The following PRAMEF1 variants were observed in gnomAD, a reference collection of about 807,000 sequenced individuals.
The protein encoded by PRAMEF1 is PRAME family member 1.
Under a neutral mutation model 38.2 loss-of-function variants are expected in PRAMEF1, and 21 were observed. The ratio of observed to expected loss-of-function variants is 0.55; its 90% CI spans 0.39 to 0.79. The LOEUF (loss-of-function observed/expected upper bound fraction) is 0.79. Among genes scored for constraint, PRAMEF1 ranks in the 30% least tolerant of loss-of-function variants. The pLI is 0.00. For synonymous variants in PRAMEF1, 200 were observed against 229.0 expected (o/e 0.87, Z 1.14); for missense variants, 497 against 565.8 (o/e 0.88, Z 1.23).
chr1:12,796,327 C>A lies in PRAMEF1; in HGVS notation c.*331C>A. 3 of 369,310 alleles carry A rather than the reference C, an allele frequency of 8.1e-6. No individual in the cohort carries two copies. Among genetic ancestry groups the A allele is most frequent in the Non-Finnish European group, 1.4e-5 (3 of 211,476 alleles). 22.9% of individuals were successfully genotyped at this position (369,310 alleles called of 1,614,324 possible). ...AGGGAAAAAACATAACAGCAGGGGG[C>A]AAGGTTGGAGGAAAATGTTGAGGTG... On this transcript the variant is annotated 3_prime_UTR_variant, in exon 4 of 4. Coordinates refer to ENST00000332296, the MANE Select transcript of PRAMEF1 (RefSeq NM_023013.4).
chr1:12,793,035 T>A (rs899362479), intron 1 of PRAMEF1, among the ~76,000 whole-genome samples, 168 bp from the exon 2 acceptor site: 2 of 150,934 alleles, frequency 1.3e-5, no homozygotes, highest in African/African-American at 4.9e-5. Flanking sequence ...AGTGGCACTG[T>A]CCGGTGGTTC....
chr1:12,794,280 C>T lies in PRAMEF1; in HGVS notation c.653C>T (p.Pro218Leu), dbSNP rs763722805. 1 of 1,611,912 alleles carries T rather than the reference C, an allele frequency of 6.2e-7. No homozygotes were observed. Among genetic ancestry groups the T allele is most frequent in the South Asian group, 1.1e-5 (1 of 90,826 alleles). Reference protein sequence around the residue: ...QELEIRNMSWPRLIRKLRCYL... With the variant: ...QELEIRNMSWLRLIRKLRCYL... ...CTGGAAATTCGCAACATGTCCTGGC[C>T]ACGTCTGATAAGAAAGCTTCGTTGT... The change falls in exon 3 of 4, where the codon CCA becomes CTA. Residue 218 changes from proline (P) to leucine (L), a missense_variant. Pro to Leu is a moderately conservative substitution (Grantham distance 98). Transcript: ENST00000332296.
At position 12,793,360 on chromosome 1, in the gene PRAMEF1, A is replaced by C. The variant is rs2790784; in HGVS notation, c.133A>C (p.Ser45Arg). The part of the protein sequence containing the change: ...LYLPLFMEAF[S>R]RRHFQTLTVM... ...TCTCCCACTCTTCATGGAGGCCTTC[A>C]GCAGGAGACACTTCCAGACTCTGAC... is the stretch of plus-strand genomic sequence containing the variant. The change falls in exon 2 of 4, where the codon AGC becomes CGC. Residue 45 changes from serine (S) to arginine (R), a missense_variant. This residue lies in a region of PRAMEF1 where 470 missense variants were observed against 501.9 expected (regional missense o/e 0.94). Coordinates refer to ENST00000332296, the MANE Select transcript of PRAMEF1 (RefSeq NM_023013.4). 7.7e-4 allele frequency: 1,234 copies of C among 1,609,086 alleles called. 48 individuals carry two copies. The African/African-American group carries it at 0.011, about 14-fold the overall frequency.
Position 12,793,488 on chromosome 1 carries a change from G to C in PRAMEF1, c.261G>C (p.Met87Ile). 6.2e-7 allele frequency: 1 copy of C among 1,608,796 alleles called. No individual in the cohort carries two copies. Among genetic ancestry groups the C allele is most frequent in the Non-Finnish European group, 8.5e-7 (1 of 1,177,702 alleles). Reference protein sequence around the residue: ...TLKALLEGLHMLLTQKDRPRR... With the variant: ...TLKALLEGLHILLTQKDRPRR... ...AAGCATTGCTGGAAGGGCTTCATAT[G>C]CTGCTTACACAGAAGGATCGCCCCA... Residue 87 changes from methionine to isoleucine, a missense_variant, in exon 2 of 4, where the codon ATG (methionine) becomes ATC (isoleucine). By Grantham distance (10) the Met-to-Ile change is conservative. Around this residue, in one of 2 missense-constraint regions of PRAMEF1, gnomAD observed 470 missense variants for 501.9 expected, o/e 0.94. Transcript: ENST00000332296.
intron 1 of PRAMEF1, 146 bp downstream of exon 1, chr1:12,791,620 T>C (rs1479831621): frequency 6.7e-6 from 1 of 149,922 alleles, no homozygotes; most frequent in Non-Finnish European, 1.5e-5. Context: ...TTCCTCTAAA[T>C]GTAGTTTTGT....
chr1:12,792,699 T>G (rs1639314353), intron 1 of PRAMEF1, among the ~76,000 whole-genome samples: 1 of 151,198 alleles, frequency 6.6e-6, no homozygotes, highest in African/African-American at 2.4e-5. Context: ...TTTTTTTATA[T>G]TTAGTAGAGA....
At position 12,793,525 on chromosome 1, in the gene PRAMEF1, C is replaced by T. The variant is rs530400906; in HGVS notation, c.287+11C>T. ...GAAGGATCGCCCCAGGTGAGGTGAC[C>T]CAGGAGGGCTGGTAGATAGGGCTCA... On this transcript the variant is annotated intron_variant, in intron 2 of 3. Coordinates refer to ENST00000332296, the MANE Select transcript of PRAMEF1 (RefSeq NM_023013.4). The T allele has an allele frequency of 1.2e-6, 2 of 1,605,316 alleles. No homozygotes were observed. Among genetic ancestry groups the T allele is most frequent in the East Asian group, 2.3e-5 (1 of 44,318 alleles).
At chr1:12,792,125 G>A (rs1419495700) in intron 1 of PRAMEF1, among the ~76,000 whole-genome samples, 5 of 150,758 alleles carry the variant, frequency 3.3e-5, no homozygotes, top group African/African-American at 9.7e-5. Flanking sequence ...AGTTACATGC[G>A]ATTCTCCTGC....
intron 1 of PRAMEF1, among the ~76,000 whole-genome samples, chr1:12,792,530 A>G (rs1463605718): frequency 2.0e-5 from 3 of 151,196 alleles, no homozygotes; most frequent in Non-Finnish European, 4.4e-5. Context: ...AGCTAGGATT[A>G]CAGTCATGCA....
At chr1:12,792,052 C>T (rs1639302692) in intron 1 of PRAMEF1, among the ~76,000 whole-genome samples, 1 of 150,774 alleles carries the variant, frequency 6.6e-6, no homozygotes, top group Non-Finnish European at 1.5e-5. Context: ...GATGGAGTTT[C>T]CCTATTGTTG....
chr1:12,796,184 C>A lies in PRAMEF1; in HGVS notation c.*188C>A. On this transcript the variant is annotated 3_prime_UTR_variant, in exon 4 of 4. Coordinates refer to ENST00000332296, the MANE Select transcript of PRAMEF1 (RefSeq NM_023013.4). The stretch of plus-strand genomic sequence containing the variant: ...CTGTGTTGCTCCAGCTGGTCTCAAA[C>A]TGCTGGGCTTATGGGATCCTCCTGC... 1 of 1,192,278 alleles carries A rather than the reference C, an allele frequency of 8.4e-7. No homozygotes were observed. The highest frequency in any genetic ancestry group is 1.1e-6 in the Non-Finnish European group (1 of 879,442). 73.9% of individuals were successfully genotyped at this position (1,192,278 alleles called of 1,614,324 possible). A position where few individuals can be genotyped will look rare whatever the true frequency, so the allele number is the denominator to read the frequency against.
Position 12,794,296 on chromosome 1 carries a change from G to C in PRAMEF1, c.669G>C (p.Lys223Asn). The change falls in exon 3 of 4, where the codon AAG becomes AAC. Residue 223 changes from lysine to asparagine, a missense_variant. Lys to Asn is a moderately conservative substitution (Grantham distance 94). Transcript: ENST00000332296. The stretch of plus-strand genomic sequence containing the variant: ...TGTCCTGGCCACGTCTGATAAGAAA[G>C]CTTCGTTGTTACCTGAAGGAGATGA... ...RNMSWPRLIR[K>N]LRCYLKEMKN... 1 of 1,612,124 alleles carries C rather than the reference G, an allele frequency of 6.2e-7. No homozygotes were observed. Among genetic ancestry groups the C allele is most frequent in the Non-Finnish European group, 8.5e-7 (1 of 1,179,014 alleles).
chr1:12,795,160 C>A (rs1317248280), intron 3 of PRAMEF1, among the ~76,000 whole-genome samples: 1 of 151,106 alleles, frequency 6.6e-6, no homozygotes, highest in African/African-American at 2.4e-5. Flanking sequence ...GTACCTGTGG[C>A]CCAGAGATGA....
In PRAMEF1 at chr1:12,794,732, A is replaced by C. The variant is rs932617375; in HGVS notation, c.866+239A>C. Reference sequence around the variant, plus strand: ...GAAGCTAGAGAGGGACATCATGTACAAGCTAGTTAGTGGGGGTTTCAGCTC... The same window carrying C: ...GAAGCTAGAGAGGGACATCATGTACCAGCTAGTTAGTGGGGGTTTCAGCTC... On this transcript the variant is annotated intron_variant, in intron 3 of 3. Transcript: ENST00000332296. 8 of 1,424,118 alleles carry C rather than the reference A, an allele frequency of 5.6e-6. No individual in the cohort carries two copies. In the Admixed American group the frequency reaches 1.7e-4, roughly 31 times the overall value. 88.2% of individuals were successfully genotyped at this position (1,424,118 alleles called of 1,614,324 possible).
At position 12,795,788 on chromosome 1, in the gene PRAMEF1, A is replaced by AGT. The variant is rs769774523; in HGVS notation, c.1218_1219dup (p.Leu407CysfsTer2). On this transcript the variant is annotated frameshift_variant, in exon 4 of 4. Coordinates refer to ENST00000332296, the MANE Select transcript of PRAMEF1 (RefSeq NM_023013.4). LOFTEE classifies it high-confidence loss of function. Reference sequence around the variant, plus strand: ...CTGCGCCACACCAGTGGGCTGAGCAAGTTAAGCCTGGAGACGTATCCTGCC... The same window carrying AGT: ...CTGCGCCACACCAGTGGGCTGAGCAAGTGTTAAGCCTGGAGACGTATCCTGCC... 7 of 1,610,882 alleles carry AGT rather than the reference A, an allele frequency of 4.3e-6. No individual in the cohort carries two copies. Among genetic ancestry groups the AGT allele is most frequent in the Non-Finnish European group, 1.7e-6 (2 of 1,179,572 alleles).
In PRAMEF1 at chr1:12,794,168, T is replaced by C; in HGVS notation, c.541T>C (p.Cys181Arg). 5.0e-6 allele frequency: 8 copies of C among 1,611,290 alleles called. No homozygotes were observed. Among genetic ancestry groups the C allele is most frequent in the Non-Finnish European group, 6.8e-6 (8 of 1,178,524 alleles). Residue 181 changes from cysteine to arginine, a missense_variant, in exon 3 of 4, where the codon TGC becomes CGC. Around this residue, in one of 2 missense-constraint regions of PRAMEF1, gnomAD observed 470 missense variants for 501.9 expected, o/e 0.94. Coordinates refer to ENST00000332296, the MANE Select transcript of PRAMEF1 (RefSeq NM_023013.4). ...CCAAAGGAGAGGTTTAGTACACCTG[T>C]GCTGTAGTAAGCTGGTCAATTATCT... ...VYQRRGLVHLCCSKLVNYLTP... is the reference protein window; with the variant it reads ...VYQRRGLVHLRCSKLVNYLTP...
At chr1:12,791,804 T>TC (rs71570117) in intron 1 of PRAMEF1, among the ~76,000 whole-genome samples, 45,453 of 149,498 alleles carry the variant, frequency 0.3, 6,392 homozygotes, top group East Asian at 0.42. Context: ...TTGGTGTTAT[T>TC]GTGATTCTCC....
At position 12,793,270 on chromosome 1, in the gene PRAMEF1, C is replaced by A. The variant is rs370223820; in HGVS notation, c.43C>A (p.Gln15Lys). 55 of 1,607,506 alleles carry A rather than the reference C, an allele frequency of 3.4e-5. 2 individuals carry two copies. The South Asian group carries it at 5.6e-4, about 17-fold the overall frequency. Residue 15 changes from glutamine to lysine, a missense_variant, in exon 2 of 4, where the codon CAG becomes AAG. This residue lies in a region of PRAMEF1 where 470 missense variants were observed against 501.9 expected (regional missense o/e 0.94). Transcript: ENST00000332296. ...APPRLLELAG[Q>K]SLLRDQALSI... is the part of the protein sequence containing the mutation. ...ACCCAGACTACTGGAGCTGGCAGGG[C>A]AGAGCCTGCTGAGAGACCAGGCCTT...
rs763745714 is a variant in PRAMEF1, at chr1:12,794,479, G to C, written c.852G>C (p.Leu284=). ...IKLITFFSGH[L]EQLIRCLQNP... Reference sequence around the variant, plus strand: ...TGATCACCTTCTTCAGTGGGCACCTGGAACAGCTGATCAGGTGAGAAAGGA... The same window carrying C: ...TGATCACCTTCTTCAGTGGGCACCTCGAACAGCTGATCAGGTGAGAAAGGA... The change falls in exon 3 of 4, where the codon CTG becomes CTC. Residue 284 remains leucine, a synonymous_variant. Transcript: ENST00000332296. 6 of 1,610,204 alleles carry C rather than the reference G, an allele frequency of 3.7e-6. No individual in the cohort carries two copies. Among genetic ancestry groups the C allele is most frequent in the Non-Finnish European group, 5.1e-6 (6 of 1,177,802 alleles).
Sources: allele counts gnomAD v4.1 joint callset (sites outside exome capture counted in the v4.1 genomes callset), GRCh38; gene constraint gnomAD v4.1.1; regional missense constraint gnomAD v4.1.1; transcripts MANE v1.5; gene names NCBI Gene and HGNC (gene_info 2026-07-23, HGNC 2026-07-21).